C14orf39: variants seen among roughly 807,000 people sequenced by gnomAD.
C14orf39 encodes the protein protein SIX6OS1.
A neutral mutation model predicts 85.6 loss-of-function variants in C14orf39; 66 were observed. The observed-to-expected ratio is 0.77, with a 90% CI of 0.63 to 0.95. The LOEUF is 0.95. Among genes scored for constraint, C14orf39 ranks in the 40% least tolerant of loss-of-function variants. The pLI is 0.00. For synonymous variants in C14orf39, 242 were observed against 214.0 expected (o/e 1.13, Z -1.14); for missense variants, 735 against 663.9 (o/e 1.11, Z -1.18).
chr14:60,436,925 C>T lies in C14orf39; in HGVS notation c.1684G>A (p.Gly562Ser). The T allele has an allele frequency of 6.2e-7, 1 of 1,611,706 alleles. No individual in the cohort carries two copies. The highest frequency in any genetic ancestry group is 1.7e-4 in the Middle Eastern group (1 of 6,048). ...DFSFPFSFGQ[G>S]QNSIPSSSLK... ...GAAGAAGAAGGTATTGAATTTTGAC[C>T]CTGTCCAAATGAAAATGGAAAACTA... The change falls in exon 18 of 18, where the codon GGT becomes AGT. Residue 562 changes from glycine to serine, a missense_variant. Physicochemically the swap from Gly to Ser is moderately conservative, Grantham distance 56. Transcript: ENST00000321731.
rs890159031 is a variant in C14orf39 at position 60,484,835 on chromosome 14, A to G, written c.106+46T>C. On this transcript the variant is annotated intron_variant, in intron 3 of 17. Coordinates refer to ENST00000321731, the MANE Select transcript of C14orf39 (RefSeq NM_174978.3). The surrounding 1 kb of genome is among the most constrained non-coding windows in gnomAD (Gnocchi z 4.2). ...AGAGCAATTGTATGTTATATGCCATAAGGAATTAAAAGACTAAAATATCTT... is the reference window on the plus strand; with the variant it reads ...AGAGCAATTGTATGTTATATGCCATGAGGAATTAAAAGACTAAAATATCTT... 10 of 1,334,464 alleles carry G rather than the reference A, an allele frequency of 7.5e-6. No individual in the cohort carries two copies. The highest frequency in any genetic ancestry group is 9.5e-6 in the Non-Finnish European group (9 of 948,764). 82.7% of individuals were successfully genotyped at this position (1,334,464 alleles called of 1,614,324 possible).
At chr14:60,465,605 C>G (rs147670552) in intron 11 of C14orf39, among the ~76,000 whole-genome samples, 24 of 152,174 alleles carry the variant, frequency 1.6e-4, no homozygotes, top group East Asian at 5.8e-4. Context: ...TCTTGTAGAA[C>G]GGTATTCTCC....
At chr14:60,465,914 A>T in intron 11 of C14orf39, 65 bp downstream of exon 11, 4 of 775,958 alleles carry the variant, frequency 5.2e-6, no homozygotes, top group Non-Finnish European at 8.0e-6. Flanking sequence ...TAAGGGCAGT[A>T]CATTCATTAT....
intron 11 of C14orf39, among the ~76,000 whole-genome samples, chr14:60,463,506 T>C (rs958905068): frequency 6.6e-6 from 1 of 152,106 alleles, no homozygotes; most frequent in African/African-American, 2.4e-5. Flanking sequence ...GATGGAAATA[T>C]TCTGGAATTA....
chr14:60,494,116 C>A, intron 2 of C14orf39: 1 of 318,404 alleles, frequency 3.1e-6, no homozygotes, highest in Non-Finnish European at 6.4e-6. Context: ...TTCCACACGA[C>A]AGGGTCCACA....
At chr14:60,485,784 C>T (rs1892860580) in intron 1 of C14orf39, among the ~76,000 whole-genome samples, 161 bp downstream of exon 1, 2 of 152,104 alleles carry the variant, frequency 1.3e-5, no homozygotes, top group South Asian at 2.1e-4. Flanking sequence ...CCATCCCCCG[C>T]CGCGCCCTCA....
chr14:60,511,668 ACTT>A (rs1893296473), intron 1 of C14orf39: 1 of 292,306 alleles, frequency 3.4e-6, no homozygotes, highest in South Asian at 3.6e-5. Context: ...CTGTTTATTT[ACTT>A]ATTTAAGAGA....
rs376995282 is a variant in C14orf39, at chr14:60,436,808, C to T, written c.*37G>A. 20 of 1,434,744 alleles carry T rather than the reference C, an allele frequency of 1.4e-5. No individual in the cohort carries two copies. Among genetic ancestry groups the T allele is most frequent in the Non-Finnish European group, 1.8e-5 (19 of 1,031,094 alleles). 88.9% of individuals were successfully genotyped at this position (1,434,744 alleles called of 1,614,324 possible). A position where few individuals can be genotyped will look rare whatever the true frequency, so the allele number is the denominator to read the frequency against. On this transcript the variant is annotated 3_prime_UTR_variant, in exon 18 of 18. Coordinates refer to ENST00000321731, the MANE Select transcript of C14orf39 (RefSeq NM_174978.3). ...ATGTAAATTTATGCCCTCATGAACACAGAACAGTAAAATAATTTAAGGAAT... is the reference window on the plus strand; with the variant it reads ...ATGTAAATTTATGCCCTCATGAACATAGAACAGTAAAATAATTTAAGGAAT...
intron 2 of C14orf39, among the ~76,000 whole-genome samples, chr14:60,497,419 G>T (rs116036938): frequency 3.3e-5 from 5 of 151,742 alleles, no homozygotes; most frequent in Non-Finnish European, 5.9e-5. Flanking sequence ...CTTGGCATTC[G>T]AAACAAATAG....
At chr14:60,468,393 T>C in intron 9 of C14orf39, 52 bp downstream of exon 9, 4 of 1,167,482 alleles carry the variant, frequency 3.4e-6, no homozygotes, top group South Asian at 1.6e-5. Flanking sequence ...ATCAAACTTT[T>C]AGATGCAAAA....
intron 4 of C14orf39, among the ~76,000 whole-genome samples, chr14:60,482,879 GGTGTGTGTGTGT>G (rs60206941): frequency 0.015 from 2,259 of 146,734 alleles, 55 homozygotes; most frequent in African/African-American, 0.053. Flanking sequence ...TATATAGACA[GGTGTGTGTGTGT>G]GTGTGTGTGT....
intron 11 of C14orf39, among the ~76,000 whole-genome samples, chr14:60,463,659 C>A (rs943926877): frequency 6.6e-6 from 1 of 151,962 alleles, no homozygotes; most frequent in African/African-American, 2.4e-5. Context: ...CATACAGATC[C>A]CCCTCTTTAT....
chr14:60,496,052 T>G (rs992878108), intron 2 of C14orf39: 1 of 772,168 alleles, frequency 1.3e-6, no homozygotes, highest in African/African-American at 1.8e-5. Context: ...GTAGCTTGGC[T>G]TGTTTCAAGG....
chr14:60,466,849 C>G, intron 10 of C14orf39, 68 bp downstream of exon 10: 3 of 1,229,926 alleles, frequency 2.4e-6, no homozygotes, highest in Non-Finnish European at 3.2e-6. Flanking sequence ...AATAAAATTG[C>G]TTCCTTCTAT....
In C14orf39 at chr14:60,436,593, A is replaced by G; in HGVS notation, c.*252T>C. ...AGTAATGAAAAAAGCATCAAATTCT[A>G]TTAAGATTAATAAAAGTTCTACCTG... is the stretch of plus-strand genomic sequence containing the variant. On this transcript the variant is annotated 3_prime_UTR_variant, in exon 18 of 18. Coordinates refer to ENST00000321731, the MANE Select transcript of C14orf39 (RefSeq NM_174978.3). 3.7e-6 allele frequency: 1 copy of G among 269,906 alleles called. No homozygotes were observed. 16.7% of individuals were successfully genotyped at this position (269,906 alleles called of 1,614,324 possible). A position where few individuals can be genotyped will look rare whatever the true frequency, so the allele number is the denominator to read the frequency against.
chr14:60,480,918 CAG>C (rs1287986381), intron 4 of C14orf39, among the ~76,000 whole-genome samples: 1 of 151,756 alleles, frequency 6.6e-6, no homozygotes, highest in Non-Finnish European at 1.5e-5. Context: ...CTCATATAAA[CAG>C]AGAGTAGAAA....
chr14:60,448,327 G>T (rs1375349346), intron 16 of C14orf39, among the ~76,000 whole-genome samples: 2 of 151,860 alleles, frequency 1.3e-5, no homozygotes, highest in Non-Finnish European at 2.9e-5. Flanking sequence ...AATCTACAAA[G>T]AACTTAAACA....
At chr14:60,460,347 A>G (rs959664316) in intron 13 of C14orf39, among the ~76,000 whole-genome samples, 1 of 151,812 alleles carries the variant, frequency 6.6e-6, no homozygotes, top group African/African-American at 2.4e-5. Flanking sequence ...TCACCTGCAC[A>G]TGTAATATAT....
chr14:60,469,929 GTTTTTTT>G (rs373485742), intron 7 of C14orf39, among the ~76,000 whole-genome samples: 1 of 108,250 alleles, frequency 9.2e-6, no homozygotes, highest in Non-Finnish European at 1.8e-5. Flanking sequence ...TCACAGGGTA[GTTTTTTT>G]TTTTTTTTTT....
Sources: gnomAD v4.1 joint callset for allele counts (sites outside exome capture counted in the v4.1 genomes callset) on GRCh38, gnomAD v4.1.1 for gene constraint, Gnocchi (gnomAD v3.1) non-coding constraint, MANE v1.5 for transcripts, NCBI Gene and HGNC (gene_info 2026-07-23, HGNC 2026-07-21) for gene names.